SNX10: variants seen among roughly 807,000 people sequenced by gnomAD.
SNX10 encodes the protein sorting nexin 10, also known as sorting nexin-10.
Under a neutral mutation model 28.5 loss-of-function variants are expected in SNX10, and 25 were observed. That is an observed-to-expected ratio of 0.88 (90% CI 0.64 to 1.22). SNX10 has a LOEUF of 1.22. SNX10 is among the 50% of genes most tolerant of loss of function. SNX10 has a pLI of 0.00. For missense variants in SNX10, 223 were observed against 242.6 expected, an observed-to-expected ratio of 0.92 and a Z score of 0.54; for synonymous variants, 62 against 81.4, an observed-to-expected ratio of 0.76 and a Z score of 1.28.
chr7:26,295,484 A>G (rs997084918), intron 1 of SNX10, among the ~76,000 whole-genome samples: 1 of 152,168 alleles, frequency 6.6e-6, no homozygotes, highest in African/African-American at 2.4e-5. Flanking sequence ...TATTCTAATA[A>G]TCTCATTTTA....
chr7:26,365,053 G>C lies in SNX10; in HGVS notation c.219G>C (p.Leu73=), dbSNP rs376444366. 89 of 1,600,512 alleles carry C rather than the reference G, an allele frequency of 5.6e-5. No individual in the cohort carries two copies. Among genetic ancestry groups the C allele is most frequent in the Non-Finnish European group, 7.4e-5 (86 of 1,167,838 alleles). Residue 73 remains leucine, a synonymous_variant, in exon 5 of 7, where the codon CTG becomes CTC. Coordinates refer to ENST00000338523, the MANE Select transcript of SNX10 (RefSeq NM_013322.3). The part of the protein sequence containing the change: ...RLQSNALLVQ[L]PELPSKNLFF... The stretch of plus-strand genomic sequence containing the variant: ...GTTTTTTCTTTCTCCTAAGACAACT[G>C]CCAGAACTTCCATCTAAAAACCTGT...
At chr7:26,317,749 G>T (rs1240713591) in intron 1 of SNX10, among the ~76,000 whole-genome samples, 1 of 146,324 alleles carries the variant, frequency 6.8e-6, no homozygotes, top group Non-Finnish European at 1.5e-5. Context: ...TGGAACCTCT[G>T]CCTCTTGGGT....
intron 1 of SNX10, among the ~76,000 whole-genome samples, chr7:26,338,718 A>G (rs1341732590): frequency 1.3e-5 from 2 of 152,008 alleles, no homozygotes; most frequent in African/African-American, 4.8e-5. Flanking sequence ...TAGAGTTTTT[A>G]AAGACAATTT....
chr7:26,346,057 C>T (rs866714703), intron 1 of SNX10, among the ~76,000 whole-genome samples: 6 of 152,096 alleles, frequency 3.9e-5, no homozygotes, highest in South Asian at 2.1e-4. Context: ...GATCTCTCTG[C>T]GCGTCTTTTC....
chr7:26,348,131 T>C (rs939410393), intron 2 of SNX10, among the ~76,000 whole-genome samples: 1 of 152,176 alleles, frequency 6.6e-6, no homozygotes, highest in African/African-American at 2.4e-5. Flanking sequence ...AAAGTATAGA[T>C]GTTTCTGGCT....
intron 1 of SNX10, among the ~76,000 whole-genome samples, chr7:26,333,834 A>T (rs1303340089): frequency 6.6e-6 from 1 of 152,172 alleles, no homozygotes; most frequent in Non-Finnish European, 1.5e-5. Flanking sequence ...GGAATACATC[A>T]GCCTTCAAAG....
chr7:26,348,155 C>T (rs1000585661), intron 2 of SNX10, among the ~76,000 whole-genome samples: 3 of 152,144 alleles, frequency 2.0e-5, no homozygotes, highest in Non-Finnish European at 2.9e-5. Context: ...CAGAAGGTAC[C>T]GTGTGCCCTT....
chr7:26,351,838 AGTAGAGGCGG>A (rs145944739), intron 2 of SNX10, among the ~76,000 whole-genome samples: 5,028 of 151,796 alleles, frequency 0.033, 180 homozygotes, highest in African/African-American at 0.094. Flanking sequence ...TTGTATTTTT[AGTAGAGGCGG>A]GGTTTCACCA....
intron 1 of SNX10, among the ~76,000 whole-genome samples, chr7:26,333,674 G>A (rs1351158016): frequency 6.6e-6 from 1 of 152,180 alleles, no homozygotes; most frequent in Non-Finnish European, 1.5e-5. Context: ...GGGAAGTTGT[G>A]ATAGTACTTC....
chr7:26,306,822 G>A (rs2127995837), intron 1 of SNX10, among the ~76,000 whole-genome samples: 1 of 152,348 alleles, frequency 6.6e-6, no homozygotes, highest in East Asian at 1.9e-4. Flanking sequence ...CACAGTCGGA[G>A]CCAGGCACAG....
At chr7:26,367,704 G>A (rs564650972) in intron 5 of SNX10, among the ~76,000 whole-genome samples, 4 of 152,252 alleles carry the variant, frequency 2.6e-5, no homozygotes, top group African/African-American at 7.2e-5. Context: ...CCACTCTAGG[G>A]AACTGGATGT....
chr7:26,306,471 A>C (rs1048103735), intron 1 of SNX10, among the ~76,000 whole-genome samples: 1 of 148,680 alleles, frequency 6.7e-6, no homozygotes, highest in African/African-American at 2.5e-5. Flanking sequence ...GAGTGTAGTG[A>C]TATGATCATG....
chr7:26,311,079 G>A (rs1407187169), intron 1 of SNX10, among the ~76,000 whole-genome samples: 1 of 152,178 alleles, frequency 6.6e-6, no homozygotes, highest in Admixed American at 6.5e-5. Context: ...CCGAAGGGGC[G>A]AGGCTTATAG....
At chr7:26,325,306 A>AATATATATATATATATATATATATATAT (rs149785859) in intron 1 of SNX10, among the ~76,000 whole-genome samples, 1,109 of 51,150 alleles carry the variant, frequency 0.022, 202 homozygotes, top group Non-Finnish European at 0.04. Context: ...AAGTTTGCAA[A>AATATATATATATATATATATATATATAT]ATATATATAT....
chr7:26,294,505 G>A (rs1292597887), intron 1 of SNX10, among the ~76,000 whole-genome samples: 2 of 152,162 alleles, frequency 1.3e-5, no homozygotes, highest in Non-Finnish European at 2.9e-5. Context: ...ACATTATCGA[G>A]CACTTAATTA....
intron 3 of SNX10, among the ~76,000 whole-genome samples, chr7:26,362,902 G>T (rs1789137375): frequency 6.6e-6 from 1 of 152,194 alleles, no homozygotes; most frequent in Non-Finnish European, 1.5e-5. Context: ...TTAGTCTGGT[G>T]TAGGTACCAG....
chr7:26,349,179 A>G (rs1004998135), intron 2 of SNX10, among the ~76,000 whole-genome samples: 1 of 152,326 alleles, frequency 6.6e-6, no homozygotes, highest in South Asian at 2.1e-4. Context: ...TACAGTGAGT[A>G]TGGAAGCACT....
intron 1 of SNX10, among the ~76,000 whole-genome samples, chr7:26,321,548 C>G (rs1262867609): frequency 1.3e-5 from 2 of 152,194 alleles, no homozygotes; most frequent in Non-Finnish European, 2.9e-5. Flanking sequence ...TGAGCTCTTT[C>G]CTGGCCTGCC....
Position 26,365,052 on chromosome 7 carries a change from T to A in SNX10, c.218T>A (p.Leu73Gln). 6.3e-7 allele frequency: 1 copy of A among 1,598,800 alleles called. No individual in the cohort carries two copies. The change falls in exon 5 of 7, where the codon CTG (leucine) becomes CAG (glutamine). Residue 73 changes from leucine to glutamine, a missense_variant. Physicochemically the swap from Leu to Gln is moderately radical, Grantham distance 113 (BLOSUM62 -2). Transcript: ENST00000338523. ...RLQSNALLVQ[L>Q]PELPSKNLFF... ...TGTTTTTTCTTTCTCCTAAGACAAC[T>A]GCCAGAACTTCCATCTAAAAACCTG...
Sources: allele counts gnomAD v4.1 joint callset (sites outside exome capture counted in the v4.1 genomes callset), GRCh38; gene constraint gnomAD v4.1.1; transcripts MANE v1.5; gene names NCBI Gene and HGNC (gene_info 2026-07-23, HGNC 2026-07-21).